The following PEAK1 variants were observed in gnomAD, a reference collection of about 807,000 sequenced individuals.
The protein encoded by PEAK1 is inactive tyrosine-protein kinase PEAK1.
In PEAK1, 54 loss-of-function variants were observed where a neutral mutation model predicts 124.7. The observed-to-expected ratio is 0.43, with a 90% CI of 0.35 to 0.54. The LOEUF (loss-of-function observed/expected upper bound fraction) is 0.54. Ranked by LOEUF, PEAK1 falls within the 20% of genes least tolerant of loss-of-function variation. The pLI, the probability that PEAK1 is intolerant of heterozygous loss-of-function variation, is 0.01. For missense variants in PEAK1, 2,046 were observed against 2,134.5 expected, an observed-to-expected ratio of 0.96 and a Z score of 0.82; for synonymous variants, 719 against 760.0, an observed-to-expected ratio of 0.95 and a Z score of 0.89.
chr15:77,322,376 C>G (rs544882337), intron 2 of PEAK1, among the ~76,000 whole-genome samples: 59 of 152,112 alleles, frequency 3.9e-4, no homozygotes, highest in Non-Finnish European at 6.6e-4. Flanking sequence ...ATTGATAGAC[C>G]GCTAGCTAGA....
intron 6 of PEAK1, among the ~76,000 whole-genome samples, chr15:77,244,363 T>C (rs1001215596): frequency 6.6e-6 from 1 of 152,182 alleles, no homozygotes; most frequent in Non-Finnish European, 1.5e-5. Flanking sequence ...CAACAATTTC[T>C]CAAAGTCCTC....
In PEAK1 at chr15:77,178,809, T is replaced by A; in HGVS notation, c.3118A>T (p.Ile1040Phe). ...ACATACCTGAGAATCTTTTTAGGAA[T>A]CTGTGATGGAGAAGAATGACTCCTC... ...KKRSHSSPSQ[I>F]PKKILSHMTH... The change falls in exon 7 of 10, where the codon ATT becomes TTT. Residue 1040 changes from isoleucine to phenylalanine, a missense_variant. Transcript: ENST00000682557. 1 of 1,613,308 alleles carries A rather than the reference T, an allele frequency of 6.2e-7. No homozygotes were observed.
chr15:77,349,739 T>C, intron 2 of PEAK1: 1 of 985,254 alleles, frequency 1.0e-6, no homozygotes, highest in Non-Finnish European at 1.2e-6. Context: ...TCAATCATTC[T>C]TAGACTTAAG....
intron 1 of PEAK1, among the ~76,000 whole-genome samples, chr15:77,374,254 G>A (rs1386256444): frequency 2.0e-5 from 3 of 152,074 alleles, no homozygotes; most frequent in African/African-American, 4.8e-5. Flanking sequence ...ATTATAAATG[G>A]CATGTCTAAT....
intron 7 of PEAK1, among the ~76,000 whole-genome samples, chr15:77,172,575 G>A (rs535953696): frequency 6.6e-6 from 1 of 152,244 alleles, no homozygotes; most frequent in South Asian, 2.1e-4. Flanking sequence ...GTTCTTTCAA[G>A]GTGGTTCATG....
At chr15:77,368,963 C>T (rs1386918539) in intron 1 of PEAK1, among the ~76,000 whole-genome samples, 1 of 152,158 alleles carries the variant, frequency 6.6e-6, no homozygotes, top group Non-Finnish European at 1.5e-5. Context: ...AATTAAATCA[C>T]TATGTTTAAT....
intron 1 of PEAK1, among the ~76,000 whole-genome samples, chr15:77,399,428 G>A (rs1462219437): frequency 6.6e-6 from 1 of 152,094 alleles, no homozygotes; most frequent in Admixed American, 6.6e-5. Flanking sequence ...ATACTACAAT[G>A]CTATAGTAAC....
intron 9 of PEAK1, among the ~76,000 whole-genome samples, chr15:77,129,408 T>C (rs2052654752): frequency 1.3e-5 from 2 of 152,042 alleles, no homozygotes; most frequent in Non-Finnish European, 2.9e-5. Context: ...AGGGGTGATA[T>C]CCTTTGGCTT....
intron 6 of PEAK1, among the ~76,000 whole-genome samples, chr15:77,223,886 A>ATTTTTTTTTTTTTTTTTTT (rs10719377): frequency 2.5e-5 from 3 of 121,608 alleles, no homozygotes; most frequent in Non-Finnish European, 3.5e-5. Flanking sequence ...CATTTGAGAG[A>ATTTTTTTTTTTTTTTTTTT]TTTTTTTTTT....
At chr15:77,278,398 G>A (rs1376284065) in intron 5 of PEAK1, 3 of 309,886 alleles carry the variant, frequency 9.7e-6, no homozygotes, top group South Asian at 3.1e-5. Context: ...GAAGAAGCAG[G>A]GAGAACGACC....
intron 6 of PEAK1, among the ~76,000 whole-genome samples, chr15:77,212,875 A>T (rs2058969222): frequency 6.6e-6 from 1 of 152,226 alleles, no homozygotes; most frequent in Admixed American, 6.5e-5. Flanking sequence ...AGCTTGAGAT[A>T]TCTGAATTCT....
At chr15:77,355,819 T>C (rs2067482802) in intron 2 of PEAK1, 5 of 985,080 alleles carry the variant, frequency 5.1e-6, no homozygotes, top group South Asian at 4.7e-5. Flanking sequence ...GGAATTATAA[T>C]AGAAAAACTG....
At chr15:77,278,509 C>A in intron 5 of PEAK1, 2 of 496,516 alleles carry the variant, frequency 4.0e-6, no homozygotes, top group South Asian at 3.0e-5. Flanking sequence ...GAGATAAAGC[C>A]AAAGTGAGGG....
Position 77,181,946 on chromosome 15 carries a change from C to T in PEAK1, c.-20G>A, listed in dbSNP as rs1353357376. On this transcript the variant is annotated 5_prime_UTR_variant, in exon 7 of 10. It adds an upstream start codon to the 5' untranslated region. Transcript: ENST00000682557. ...AGACATTTTTAAAAATAGAACTTCA[C>T]AGACAATGCTTTTCTTTCAGTGCAT... 10 of 1,529,364 alleles carry T rather than the reference C, an allele frequency of 6.5e-6. No individual in the cohort carries two copies. The Middle Eastern group carries it at 5.9e-4, about 91-fold the overall frequency. 94.7% of individuals were successfully genotyped at this position (1,529,364 alleles called of 1,614,324 possible).
At chr15:77,358,644 A>G (rs1284918954) in intron 2 of PEAK1, among the ~76,000 whole-genome samples, 1 of 152,222 alleles carries the variant, frequency 6.6e-6, no homozygotes, top group Non-Finnish European at 1.5e-5. Context: ...GACTTCAAGA[A>G]GCATAGTTTC....
At chr15:77,262,217 C>A (rs1246200440) in intron 5 of PEAK1, among the ~76,000 whole-genome samples, 1 of 152,110 alleles carries the variant, frequency 6.6e-6, no homozygotes, top group African/African-American at 2.4e-5. Flanking sequence ...AGCAAAATAA[C>A]CAGCTAACAT....
At chr15:77,328,830 C>G (rs2065731610) in intron 2 of PEAK1, among the ~76,000 whole-genome samples, 1 of 152,092 alleles carries the variant, frequency 6.6e-6, no homozygotes, top group African/African-American at 2.4e-5. Flanking sequence ...ATTCAGGAAG[C>G]AACAACAAAC....
chr15:77,360,596 G>C (rs1218711843), intron 2 of PEAK1, among the ~76,000 whole-genome samples: 3 of 151,906 alleles, frequency 2.0e-5, no homozygotes, highest in African/African-American at 7.3e-5. Flanking sequence ...AGCATTCATG[G>C]GATGTGACAC....
At chr15:77,100,796 CATCT>C (rs2050687860) in exon 7 of PEAK1, 1 of 152,230 alleles carries the variant, frequency 6.6e-6, no homozygotes, top group Admixed American at 6.5e-5. Context: ...AATTAATTAA[CATCT>C]ATTACAATCA....
Sources: gnomAD v4.1 joint callset for allele counts (sites outside exome capture counted in the v4.1 genomes callset) on GRCh38, gnomAD v4.1.1 for gene constraint, MANE v1.5 for transcripts, NCBI Gene and HGNC (gene_info 2026-07-23, HGNC 2026-07-21) for gene names.